The following USP54 variants were observed in gnomAD, a reference collection of about 807,000 sequenced individuals.
USP54 encodes the protein ubiquitin specific peptidase 54.
USP54 carries 87 observed loss-of-function variants against 170.5 expected under a neutral mutation model. That is an observed-to-expected ratio of 0.51 (90% CI 0.43 to 0.61). The LOEUF (loss-of-function observed/expected upper bound fraction) is 0.61, where lower values mean the gene tolerates loss of function less well. USP54 is among the 20% of genes least tolerant of loss of function. The pLI, the probability that USP54 is intolerant of heterozygous loss-of-function variation, is 0.00. For synonymous variants in USP54, 655 were observed against 742.8 expected (o/e 0.88, Z 1.92); for missense variants, 1,786 against 2,047.8 (o/e 0.87, Z 2.47).
chr10:73,613,111 C>T (rs1589409319), intron 1 of USP54, among the ~76,000 whole-genome samples: 1 of 149,336 alleles, frequency 6.7e-6, no homozygotes, highest in Non-Finnish European at 1.5e-5. Context: ...GAGTGGTGAC[C>T]GTGCTACTGC....
chr10:73,525,487 G>T (rs1410947582), intron 16 of USP54, among the ~76,000 whole-genome samples: 1 of 152,082 alleles, frequency 6.6e-6, no homozygotes, highest in African/African-American at 2.4e-5. Flanking sequence ...TATCCAACTG[G>T]TCCAGAATTG....
intron 20 of USP54, among the ~76,000 whole-genome samples, chr10:73,508,833 A>G (rs1460544840): frequency 6.6e-6 from 1 of 151,614 alleles, no homozygotes; most frequent in Non-Finnish European, 1.5e-5. Flanking sequence ...ATGCCCGACT[A>G]ATTTTTATAT....
At chr10:73,585,426 G>C (rs2077363716) in intron 1 of USP54, among the ~76,000 whole-genome samples, 2 of 152,156 alleles carry the variant, frequency 1.3e-5, no homozygotes, top group Admixed American at 6.5e-5. Flanking sequence ...GGGAGCTTAC[G>C]ATCATGACAG....
intron 1 of USP54, among the ~76,000 whole-genome samples, chr10:73,620,878 G>C (rs769622572): frequency 6.6e-6 from 1 of 150,400 alleles, no homozygotes; most frequent in African/African-American, 2.5e-5. Flanking sequence ...CAAACAGGTC[G>C]GATGCGGTGG....
chr10:73,578,659 C>A (rs1220319099), intron 1 of USP54, among the ~76,000 whole-genome samples: 1 of 152,190 alleles, frequency 6.6e-6, no homozygotes, highest in Non-Finnish European at 1.5e-5. Flanking sequence ...CCTGCCTTGA[C>A]TTCCCAAATG....
chr10:73,541,306 G>A, intron 9 of USP54, 69 bp downstream of exon 9: 1 of 1,595,230 alleles, frequency 6.3e-7, no homozygotes, highest in Admixed American at 1.7e-5. Context: ...TTTGTCTAGT[G>A]CTCACTGCTC....
intron 20 of USP54, among the ~76,000 whole-genome samples, chr10:73,511,609 G>C (rs1256079202): frequency 6.6e-6 from 1 of 151,628 alleles, no homozygotes; most frequent in African/African-American, 2.4e-5. Flanking sequence ...GCAGTGAGCT[G>C]AGGTTGTGCC....
chr10:73,616,007 G>A (rs1025408398), intron 1 of USP54, among the ~76,000 whole-genome samples: 3 of 149,040 alleles, frequency 2.0e-5, no homozygotes, highest in Non-Finnish European at 4.4e-5. Flanking sequence ...AGGAGTTCAA[G>A]ACCAGCCTGG....
chr10:73,548,020 T>TA (rs1310554034), intron 4 of USP54, among the ~76,000 whole-genome samples: 1 of 151,452 alleles, frequency 6.6e-6, no homozygotes, highest in Non-Finnish European at 1.5e-5. Flanking sequence ...ACAAAGAACT[T>TA]AAACAAATTT....
intron 1 of USP54, among the ~76,000 whole-genome samples, chr10:73,606,878 CA>C (rs200071977): frequency 4.3e-3 from 241 of 55,904 alleles, no homozygotes; most frequent in Middle Eastern, 0.01. Context: ...GACAATATCT[CA>C]AAAAAAAAAA....
intron 3 of USP54, among the ~76,000 whole-genome samples, chr10:73,573,875 A>G (rs2133813221): frequency 6.6e-6 from 1 of 152,356 alleles, no homozygotes; most frequent in East Asian, 1.9e-4. Flanking sequence ...TTACCTGTAC[A>G]AAGTCACAAG....
At chr10:73,571,600 G>T in intron 3 of USP54, 87 bp from the exon 4 acceptor site, 2 of 955,536 alleles carry the variant, frequency 2.1e-6, no homozygotes, top group South Asian at 3.3e-5. Context: ...CATAGGTAAT[G>T]ACTGCAGAAG....
intron 1 of USP54, among the ~76,000 whole-genome samples, chr10:73,580,318 CAAAAAAAAAA>C (rs550717480): frequency 6.2e-5 from 4 of 64,402 alleles, no homozygotes; most frequent in Non-Finnish European, 1.4e-4. Flanking sequence ...GACCCCATTT[CAAAAAAAAAA>C]AAAAAAAGAA....
chr10:73,536,635 A>G (rs1278287637), intron 10 of USP54, among the ~76,000 whole-genome samples, 198 bp from the exon 11 acceptor site: 1 of 152,216 alleles, frequency 6.6e-6, no homozygotes, highest in Non-Finnish European at 1.5e-5. Context: ...CCTTTTAGAA[A>G]GCACTAAAAT....
intron 1 of USP54, among the ~76,000 whole-genome samples, chr10:73,620,498 T>TTG: frequency 6.8e-6 from 1 of 147,794 alleles, no homozygotes; most frequent in East Asian, 2.0e-4. Flanking sequence ...TTTTTTTTTT[T>TTG]TCTCAGTAGA....
Position 73,500,707 on chromosome 10 carries a change from C to A in USP54, c.4443G>T (p.Leu1481=), listed in dbSNP as rs1310353795. The A allele has an allele frequency of 1.2e-6, 2 of 1,607,380 alleles. No individual in the cohort carries two copies. Among genetic ancestry groups the A allele is most frequent in the Admixed American group, 3.4e-5 (2 of 59,214 alleles). The change falls in exon 23 of 24, where the codon CTG becomes CTT. Residue 1481 remains leucine (L), a synonymous_variant. Transcript: ENST00000687698. The part of the protein sequence containing the change: ...PQLYLPQPQF[L]SPDVLMPTMA... ...TGGTGGGCATCAGGACATCTGGGGACAGGAACTGTGGTTGGGGAAGGTAGA... is the reference window on the plus strand; with the variant it reads ...TGGTGGGCATCAGGACATCTGGGGAAAGGAACTGTGGTTGGGGAAGGTAGA...
intron 10 of USP54, 44 bp from the exon 11 acceptor site, chr10:73,536,481 A>AC (rs1333121963): frequency 6.7e-7 from 1 of 1,482,592 alleles, no homozygotes; most frequent in African/African-American, 1.4e-5. Context: ...TATACTTTAT[A>AC]CCCACAATTC....
intron 7 of USP54, 91 bp downstream of exon 7, chr10:73,542,712 C>G: frequency 7.6e-7 from 1 of 1,324,144 alleles, no homozygotes; most frequent in Non-Finnish European, 1.0e-6. Context: ...GCCTGGGCAA[C>G]AGAGCGAGAC....
intron 7 of USP54, among the ~76,000 whole-genome samples, chr10:73,542,147 G>A (rs953253843): frequency 2.6e-5 from 4 of 152,156 alleles, no homozygotes; most frequent in South Asian, 4.1e-4. Context: ...TTACCTGGCT[G>A]GAGTGCAGGG....
Sources: allele counts gnomAD v4.1 joint callset (sites outside exome capture counted in the v4.1 genomes callset), GRCh38; gene constraint gnomAD v4.1.1; transcripts MANE v1.5; gene names NCBI Gene and HGNC (gene_info 2026-07-23, HGNC 2026-07-21).